The following NPAS3 variants were observed in gnomAD, a reference collection of about 807,000 sequenced individuals.
NPAS3 encodes the protein neuronal PAS domain protein 3.
In NPAS3, 14 loss-of-function variants were observed where a neutral mutation model predicts 73.1. The observed-to-expected ratio is 0.19, with a 90% confidence interval of 0.13 to 0.30. The LOEUF (loss-of-function observed/expected upper bound fraction) is 0.30. NPAS3 is among the 10% of genes least tolerant of loss of function. The pLI, the probability that NPAS3 is intolerant of heterozygous loss-of-function variation, is 1.00. For missense variants in NPAS3, 1,096 were observed against 1,250.0 expected (o/e 0.88, Z 1.86); for synonymous variants, 620 against 541.5 (o/e 1.14, Z -2.01).
At position 33,301,323 on chromosome 14, in the gene NPAS3, T is replaced by TATATATATATATATATATATATATATATA. The variant is rs1555370644; in HGVS notation, c.386-65863_386-65862insATATATATATATATATATATATATATATA. 1.7e-4 allele frequency among the ~76,000 whole-genome samples: 14 copies of TATATATATATATATATATATATATATATA among 81,582 alleles called. 2 individuals are homozygous for TATATATATATATATATATATATATATATA. Among genetic ancestry groups the TATATATATATATATATATATATATATATA allele is most frequent in the South Asian group, 8.6e-4 (2 of 2,328 alleles). 53.5% of individuals were successfully genotyped at this position (81,582 alleles called of 152,430 possible). A position where few individuals can be genotyped will look rare whatever the true frequency, so the allele number is the denominator to read the frequency against. ...TTTTATCATTATATATATATATATA[T>TATATATATATATATATATATATATATATA]TTTTTTTTTTTAAATCTAGCTGTAA... On this transcript the variant is annotated intron_variant, in intron 3 of 11. Transcript: ENST00000356141.
chr14:33,186,571 A>C (rs1050490936), intron 2 of NPAS3, among the ~76,000 whole-genome samples: 2 of 152,160 alleles, frequency 1.3e-5, no homozygotes, highest in Admixed American at 6.5e-5. Context: ...GCCAGTTTCA[A>C]TCTGAACGCA....
At chr14:33,012,196 G>A (rs911236666) in intron 1 of NPAS3, among the ~76,000 whole-genome samples, 1 of 152,182 alleles carries the variant, frequency 6.6e-6, no homozygotes, top group Non-Finnish European at 1.5e-5. Flanking sequence ...TGATACAGGA[G>A]CACTGTGAGT....
At chr14:33,287,983 G>A (rs2041947320) in intron 3 of NPAS3, among the ~76,000 whole-genome samples, 1 of 151,564 alleles carries the variant, frequency 6.6e-6, no homozygotes, top group African/African-American at 2.4e-5. Context: ...AGTTTTATAA[G>A]CACACCAACC....
chr14:33,509,531 A>G (rs1003496750), intron 4 of NPAS3, among the ~76,000 whole-genome samples: 1 of 152,030 alleles, frequency 6.6e-6, no homozygotes, highest in African/African-American at 2.4e-5. Context: ...ATGACTATAT[A>G]ATTAAATCCT....
At chr14:33,434,127 G>A (rs2048888370) in intron 4 of NPAS3, among the ~76,000 whole-genome samples, 1 of 152,140 alleles carries the variant, frequency 6.6e-6, no homozygotes, top group Non-Finnish European at 1.5e-5. Flanking sequence ...AGGAGGCGGA[G>A]GTTGCAGTGA....
chr14:33,765,295 A>G (rs926583614), intron 7 of NPAS3, among the ~76,000 whole-genome samples: 2 of 135,992 alleles, frequency 1.5e-5, no homozygotes, highest in South Asian at 2.6e-4. Context: ...ATATTTCTGC[A>G]TTAAAAAAAA....
At position 33,671,779 on chromosome 14, in the gene NPAS3, T is replaced by C. The variant is rs74397258; in HGVS notation, c.559-4432T>C. ...GTTGGAAACAGTCATGCTTCCTCCTTCTTCTGCTACTAGAGAAACAGTTCA... is the reference window on the plus strand; with the variant it reads ...GTTGGAAACAGTCATGCTTCCTCCTCCTTCTGCTACTAGAGAAACAGTTCA... On this transcript the variant is annotated intron_variant, in intron 5 of 11. Transcript: ENST00000356141. Among the ~76,000 whole-genome samples the C allele has an allele frequency of 4.5e-3, 678 of 151,754 alleles. 29 individuals are homozygous for C. The East Asian group carries it at 0.11, about 24-fold the overall frequency.
chr14:33,104,055 G>C (rs1488790867), intron 2 of NPAS3, among the ~76,000 whole-genome samples: 1 of 152,156 alleles, frequency 6.6e-6, no homozygotes, highest in African/African-American at 2.4e-5. Flanking sequence ...CATGAAAGGA[G>C]AAAGGCAGAA....
At chr14:33,686,168 G>C (rs187327880) in intron 6 of NPAS3, among the ~76,000 whole-genome samples, 46 of 152,228 alleles carry the variant, frequency 3.0e-4, no homozygotes, top group Non-Finnish European at 6.5e-4. Flanking sequence ...CAACCTAAGA[G>C]CCAAAAGGTA....
chr14:33,589,474 C>T (rs1017709442), intron 5 of NPAS3, among the ~76,000 whole-genome samples: 4 of 152,114 alleles, frequency 2.6e-5, no homozygotes, highest in African/African-American at 7.2e-5. Flanking sequence ...TCTATTGTTA[C>T]GTCAGCACAC....
intron 2 of NPAS3, among the ~76,000 whole-genome samples, chr14:33,078,492 G>A (rs1000423874): frequency 8.1e-5 from 12 of 148,848 alleles, no homozygotes; most frequent in African/African-American, 3.0e-4. Flanking sequence ...AATTAGATTT[G>A]TTTGGTAATG....
At chr14:33,536,489 A>G (rs1291474931) in intron 4 of NPAS3, among the ~76,000 whole-genome samples, 1 of 152,176 alleles carries the variant, frequency 6.6e-6, no homozygotes, top group Non-Finnish European at 1.5e-5. Context: ...GATTTGTGTT[A>G]TAACACTGGA....
intron 3 of NPAS3, among the ~76,000 whole-genome samples, chr14:33,321,815 T>C (rs1175086982): frequency 1.3e-5 from 2 of 152,150 alleles, no homozygotes; most frequent in Non-Finnish European, 2.9e-5. Context: ...AAGGCAAATA[T>C]ATAGATGATA....
At chr14:33,428,385 A>G (rs1054413071) in intron 4 of NPAS3, among the ~76,000 whole-genome samples, 3 of 152,160 alleles carry the variant, frequency 2.0e-5, no homozygotes, top group African/African-American at 7.2e-5. Context: ...GATAAATGGT[A>G]GCTGTTATTA....
intron 5 of NPAS3, among the ~76,000 whole-genome samples, chr14:33,647,687 A>G (rs2058872858): frequency 6.6e-6 from 1 of 152,100 alleles, no homozygotes; most frequent in South Asian, 2.1e-4. Flanking sequence ...GTTGTGGCTT[A>G]AGTAGTAGCC....
chr14:33,097,545 A>G lies in NPAS3; in HGVS notation c.140+41551A>G, dbSNP rs76597189. 8.6e-4 allele frequency among the ~76,000 whole-genome samples: 131 copies of G among 152,310 alleles called. 2 individuals carry two copies. The East Asian group carries it at 0.02, about 24-fold the overall frequency. ...ACTCATTTCTGCTGGTTATATATGT[A>G]GATGTGTAGTTTGCTCAGTCCTAGG... On this transcript the variant is annotated intron_variant, in intron 2 of 11. Coordinates refer to ENST00000356141, the Ensembl canonical transcript of NPAS3.
chr14:32,996,452 C>T (rs2038576062), intron 1 of NPAS3, among the ~76,000 whole-genome samples: 1 of 152,186 alleles, frequency 6.6e-6, no homozygotes, highest in Admixed American at 6.5e-5. Flanking sequence ...TGTCAGAACC[C>T]TTCACAGCAG....
intron 6 of NPAS3, among the ~76,000 whole-genome samples, chr14:33,697,546 A>G (rs866452662): frequency 5.9e-5 from 9 of 152,220 alleles, no homozygotes; most frequent in African/African-American, 2.2e-4. Flanking sequence ...CTTTACTAAC[A>G]TGCCAGTTAA....
chr14:32,986,258 T>TGAG (rs923819095), intron 1 of NPAS3, among the ~76,000 whole-genome samples: 1 of 152,224 alleles, frequency 6.6e-6, no homozygotes, highest in Non-Finnish European at 1.5e-5. Flanking sequence ...GCTTGTGTTT[T>TGAG]GAGAACAGGG....
Sources: gnomAD v4.1 joint callset for allele counts (sites outside exome capture counted in the v4.1 genomes callset) on GRCh38, gnomAD v4.1.1 for gene constraint, MANE v1.5 for transcripts, NCBI Gene and HGNC (gene_info 2026-07-23, HGNC 2026-07-21) for gene names.